Variants in SH3RF3 observed in about 807,000 individuals in gnomAD.
SH3RF3 encodes SH3 domain containing ring finger 3, also known as E3 ubiquitin-protein ligase SH3RF3.
A neutral mutation model predicts 66.3 loss-of-function variants in SH3RF3; 29 were observed. The observed-to-expected ratio is 0.44, with a 90% CI of 0.33 to 0.60. The LOEUF (loss-of-function observed/expected upper bound fraction) is 0.60, where lower values mean the gene tolerates loss of function less well. Ranked by LOEUF, SH3RF3 falls within the 20% of genes least tolerant of loss-of-function variation. SH3RF3 has a pLI of 0.04. For synonymous variants in SH3RF3, 583 were observed against 532.0 expected (o/e 1.10, Z -1.32); for missense variants, 1,194 against 1,190.9 (o/e 1.00, Z -0.04).
At chr2:109,339,247 AAACCC>A (rs1682501627) in intron 1 of SH3RF3, among the ~76,000 whole-genome samples, 1 of 151,454 alleles carries the variant, frequency 6.6e-6, no homozygotes. Context: ...CTTGCAGTTT[AAACCC>A]ATGTTGGTTC....
intron 1 of SH3RF3, among the ~76,000 whole-genome samples, chr2:109,173,753 G>A (rs1393746912): frequency 6.6e-6 from 1 of 152,176 alleles, no homozygotes; most frequent in African/African-American, 2.4e-5. Flanking sequence ...AGGGACTGTG[G>A]TAGCCTGCCT....
intron 4 of SH3RF3, among the ~76,000 whole-genome samples, chr2:109,417,616 T>A (rs1676760953): frequency 6.6e-6 from 1 of 152,156 alleles, no homozygotes; most frequent in African/African-American, 2.4e-5. Flanking sequence ...ATCAAAGGTT[T>A]TTCTCACAGT....
intron 1 of SH3RF3, among the ~76,000 whole-genome samples, chr2:109,192,466 T>A (rs1005672508): frequency 7.9e-5 from 12 of 152,256 alleles, no homozygotes; most frequent in African/African-American, 2.7e-4. Context: ...ATTAGAAATT[T>A]AATTTGTATT....
intron 1 of SH3RF3, among the ~76,000 whole-genome samples, chr2:109,238,345 C>T (rs1679697108): frequency 2.0e-5 from 3 of 152,108 alleles, no homozygotes; most frequent in Admixed American, 6.5e-5. Flanking sequence ...TGCACAGAGA[C>T]AAGGCTGGAA....
At chr2:109,320,780 G>A (rs1682008256) in intron 1 of SH3RF3, among the ~76,000 whole-genome samples, 1 of 152,142 alleles carries the variant, frequency 6.6e-6, no homozygotes, top group East Asian at 1.9e-4. Flanking sequence ...AATAAAACTC[G>A]AGGCACATTG....
rs756084254 is a variant in SH3RF3, at chr2:109,371,666, G to C, written c.930G>C (p.Pro310=). The C allele has an allele frequency of 7.4e-6, 12 of 1,613,626 alleles. No homozygotes were observed. Among genetic ancestry groups the C allele is most frequent in the African/African-American group, 1.3e-5 (1 of 74,908 alleles). The change falls in exon 3 of 10, where the codon CCG becomes CCC. Residue 310 remains proline, a synonymous_variant. Coordinates refer to ENST00000309415, the MANE Select transcript of SH3RF3 (RefSeq NM_001099289.3). The part of the protein sequence containing the change: ...GMLGDKIGIF[P]LLYVELNDSA... ...TGGGAGACAAGATCGGGATCTTCCC[G>C]CTCCTGTACGTGGAGGTAAGACCGT...
intron 4 of SH3RF3, among the ~76,000 whole-genome samples, chr2:109,403,433 C>T (rs1034702442): frequency 2.0e-5 from 3 of 152,234 alleles, no homozygotes; most frequent in Non-Finnish European, 4.4e-5. Flanking sequence ...AGCCGAGGCC[C>T]CAGGGGTAGT....
intron 1 of SH3RF3, among the ~76,000 whole-genome samples, chr2:109,236,730 A>G (rs990826208): frequency 6.6e-6 from 1 of 152,212 alleles, no homozygotes; most frequent in Non-Finnish European, 1.5e-5. Context: ...TTCTTACAGC[A>G]TGGACTGTTT....
At chr2:109,324,775 G>A (rs1019073469) in intron 1 of SH3RF3, among the ~76,000 whole-genome samples, 3 of 152,178 alleles carry the variant, frequency 2.0e-5, no homozygotes, top group Non-Finnish European at 4.4e-5. Flanking sequence ...TGAATGTCCA[G>A]ACGGGGATAG....
At chr2:109,496,597 C>A (rs1009858884) in intron 9 of SH3RF3, among the ~76,000 whole-genome samples, 1 of 152,212 alleles carries the variant, frequency 6.6e-6, no homozygotes, top group African/African-American at 2.4e-5. Flanking sequence ...TGCTTCTCCC[C>A]AGATGTTCAC....
intron 1 of SH3RF3, among the ~76,000 whole-genome samples, chr2:109,219,005 C>G (rs937796134): frequency 6.6e-6 from 1 of 152,226 alleles, no homozygotes; most frequent in Non-Finnish European, 1.5e-5. Flanking sequence ...GTTATGGGCA[C>G]TGACCTCTCT....
chr2:109,496,520 A>G (rs761429302), intron 9 of SH3RF3, among the ~76,000 whole-genome samples: 2 of 152,206 alleles, frequency 1.3e-5, no homozygotes, highest in Non-Finnish European at 2.9e-5. Flanking sequence ...GACATCTATG[A>G]TAATAGTAAG....
intron 1 of SH3RF3, among the ~76,000 whole-genome samples, chr2:109,221,185 TA>T (rs1408715826): frequency 6.6e-6 from 1 of 152,236 alleles, no homozygotes; most frequent in Non-Finnish European, 1.5e-5. Context: ...GGACCTGGAA[TA>T]AAAAGTCAGT....
At chr2:109,187,327 C>T (rs1169406944) in intron 1 of SH3RF3, among the ~76,000 whole-genome samples, 1 of 150,740 alleles carries the variant, frequency 6.6e-6, no homozygotes, top group African/African-American at 2.4e-5. Flanking sequence ...ATTAGGAAAG[C>T]TCTTTTCTCC....
chr2:109,496,009 G>A (rs372563560), intron 9 of SH3RF3, among the ~76,000 whole-genome samples: 177 of 152,284 alleles, frequency 1.2e-3, no homozygotes, highest in African/African-American at 3.9e-3. Context: ...AGACCTTCGC[G>A]GTGAAGAGCA....
chr2:109,258,018 G>A (rs950232382), intron 1 of SH3RF3, among the ~76,000 whole-genome samples: 1 of 152,036 alleles, frequency 6.6e-6, no homozygotes, highest in Non-Finnish European at 1.5e-5. Flanking sequence ...CCACATACCT[G>A]TGCACACATG....
intron 1 of SH3RF3, among the ~76,000 whole-genome samples, chr2:109,192,729 T>C (rs1678399269): frequency 6.6e-6 from 1 of 152,238 alleles, no homozygotes; most frequent in South Asian, 2.1e-4. Flanking sequence ...TGGAAACTTA[T>C]TTCAGTCCCT....
At chr2:109,197,174 C>G (rs1678525070) in intron 1 of SH3RF3, among the ~76,000 whole-genome samples, 1 of 152,170 alleles carries the variant, frequency 6.6e-6, no homozygotes, top group Non-Finnish European at 1.5e-5. Context: ...CCCTGCGGCC[C>G]AGGAAGGCGG....
At chr2:109,365,051 A>AAAACAAAC (rs70958705) in intron 2 of SH3RF3, among the ~76,000 whole-genome samples, 28,057 of 151,490 alleles carry the variant, frequency 0.19, 2,681 homozygotes, top group South Asian at 0.28. Flanking sequence ...ACACACATAT[A>AAAACAAAC]AAACAAACAA....
Sources: gnomAD v4.1 joint callset for allele counts (sites outside exome capture counted in the v4.1 genomes callset) on GRCh38, gnomAD v4.1.1 for gene constraint, MANE v1.5 for transcripts, NCBI Gene and HGNC (gene_info 2026-07-23, HGNC 2026-07-21) for gene names.